Variants in PLBD1 observed in about 807,000 individuals in gnomAD.
The protein encoded by PLBD1 is lysosomal leucine aminopeptidase.
A neutral mutation model predicts 63.0 loss-of-function variants in PLBD1; 60 were observed. The ratio of observed to expected loss-of-function variants is 0.95; its 90% CI spans 0.77 to 1.18. The LOEUF is 1.18. Among genes scored for constraint, PLBD1 ranks in the 50% most tolerant of loss-of-function variants. The pLI is 0.00. For synonymous variants in PLBD1, 262 were observed against 248.0 expected (o/e 1.06, Z -0.53); for missense variants, 598 against 677.9 (o/e 0.88, Z 1.31).
Position 14,540,903 on chromosome 12 carries a change from C to T in PLBD1, c.420-1G>A, listed in dbSNP as rs1397885194. 1 of 1,591,094 alleles carries T rather than the reference C, an allele frequency of 6.3e-7. No individual in the cohort carries two copies. The highest frequency in any genetic ancestry group is 1.7e-5 in the Admixed American group (1 of 59,342). ...TTTCCGGGTCCACTTATCTTGCTTC[C>T]TGGAAGAGAAATTAGATTTGCACCA... On this transcript the variant is annotated splice_acceptor_variant, in intron 3 of 10. Transcript: ENST00000240617. LOFTEE classifies it high-confidence loss of function.
At chr12:14,564,114 G>A (rs1945763409) in intron 1 of PLBD1, among the ~76,000 whole-genome samples, 1 of 151,898 alleles carries the variant, frequency 6.6e-6, no homozygotes, top group South Asian at 2.1e-4. Context: ...GTGTGGTGGT[G>A]TGCACCTGTA....
At chr12:14,539,292 T>C (rs1369823210) in intron 4 of PLBD1, among the ~76,000 whole-genome samples, 2 of 152,014 alleles carry the variant, frequency 1.3e-5, no homozygotes, top group African/African-American at 2.4e-5. Context: ...GTTTACGAAA[T>C]GGAACATTAG....
In PLBD1 at chr12:14,511,356, T is replaced by G. The variant is rs778264458; in HGVS notation, c.1090A>C (p.Lys364Gln). The G allele has an allele frequency of 6.2e-7, 1 of 1,613,762 alleles. No individual in the cohort carries two copies. The change falls in exon 8 of 11, where the codon AAG becomes CAG. Residue 364 changes from lysine to glutamine, a missense_variant. Physicochemically the swap from Lys to Gln is moderately conservative, Grantham distance 53. Transcript: ENST00000240617. Reference protein sequence around the residue: ...QYMVLDLKKVKLNHSLDKGTL... With the variant: ...QYMVLDLKKVQLNHSLDKGTL... Reference sequence around the variant, plus strand: ...CCTTTGTCAAGACTGTGGTTCAGCTTTACTTTCTTCAGGTCCAGAACCATG... The same window carrying G: ...CCTTTGTCAAGACTGTGGTTCAGCTGTACTTTCTTCAGGTCCAGAACCATG...
chr12:14,523,085 C>T (rs1945389332), intron 6 of PLBD1, among the ~76,000 whole-genome samples: 1 of 152,040 alleles, frequency 6.6e-6, no homozygotes, highest in East Asian at 1.9e-4. Flanking sequence ...TTCCAAATGA[C>T]ATAATCTTAT....
chr12:14,512,776 G>A (rs112200392), intron 6 of PLBD1, among the ~76,000 whole-genome samples: 1 of 152,130 alleles, frequency 6.6e-6, no homozygotes, highest in African/African-American at 2.4e-5. Flanking sequence ...AAGTTCCTTC[G>A]GTGCATCCTG....
Position 14,540,053 on chromosome 12 carries a change from T to TACACAC in PLBD1, c.558+705_558+710dup, listed in dbSNP as rs1295213414. 2.1e-3 allele frequency among the ~76,000 whole-genome samples: 181 copies of TACACAC among 87,332 alleles called. 4 individuals carry two copies. The highest frequency in any genetic ancestry group is 5.8e-3 in the African/African-American group (124 of 21,422). 57.3% of individuals were successfully genotyped at this position (87,332 alleles called of 152,430 possible). A position where few individuals can be genotyped will look rare whatever the true frequency, so the allele number is the denominator to read the frequency against. ...ATATATATATATATATATATATATATACACACACACACTGGTCAAAATAGG... is the reference window on the plus strand; with the variant it reads ...ATATATATATATATATATATATATATACACACACACACACACACTGGTCAAAATAGG... On this transcript the variant is annotated intron_variant, in intron 4 of 10. Coordinates refer to ENST00000240617, the MANE Select transcript of PLBD1 (RefSeq NM_024829.6).
intron 2 of PLBD1, among the ~76,000 whole-genome samples, chr12:14,544,185 T>C (rs1440530309): frequency 6.6e-6 from 1 of 152,140 alleles, no homozygotes; most frequent in Non-Finnish European, 1.5e-5. Context: ...AGGACTTGTG[T>C]TTTTTTGAAA....
chr12:14,563,621 A>T lies in PLBD1; in HGVS notation c.115+3961T>A, dbSNP rs987519978. 5.3e-5 allele frequency among the ~76,000 whole-genome samples: 8 copies of T among 152,222 alleles called. 1 individual carries two copies. In the South Asian group the frequency reaches 1.0e-3, roughly 20 times the overall value. Reference sequence around the variant, plus strand: ...TAACTTTTTAGAGAAAAACAACTTCAGTGGCCACTCAATTATACAGCACTT... The same window carrying T: ...TAACTTTTTAGAGAAAAACAACTTCTGTGGCCACTCAATTATACAGCACTT... On this transcript the variant is annotated intron_variant, in intron 1 of 10. Transcript: ENST00000240617.
intron 2 of PLBD1, among the ~76,000 whole-genome samples, chr12:14,549,857 G>A (rs532622594): frequency 1.4e-4 from 21 of 152,092 alleles, no homozygotes; most frequent in Middle Eastern, 3.4e-3. Context: ...TAGTAGAGAC[G>A]GGTTTTCGCC....
chr12:14,555,480 T>A (rs898176152), intron 1 of PLBD1, among the ~76,000 whole-genome samples: 17 of 152,186 alleles, frequency 1.1e-4, no homozygotes, highest in African/African-American at 4.1e-4. Flanking sequence ...GAGGTTGCTG[T>A]GAACCTAGAT....
In PLBD1 at chr12:14,525,772, A is replaced by G. The variant is rs146314504; in HGVS notation, c.844+9887T>C. ...ACAGTAAGTTTTTAAGTAAAAAATC[A>G]TAACACCATATTGGTGTATTTATAA... On this transcript the variant is annotated intron_variant, in intron 6 of 10. Coordinates refer to ENST00000240617, the MANE Select transcript of PLBD1 (RefSeq NM_024829.6). Among the ~76,000 whole-genome samples, 18 of 152,288 alleles carry G rather than the reference A, an allele frequency of 1.2e-4. No individual in the cohort carries two copies. The East Asian group carries it at 3.3e-3, about 28-fold the overall frequency.
intron 1 of PLBD1, chr12:14,554,048 G>A (rs1038999332): frequency 2.0e-5 from 3 of 153,138 alleles, no homozygotes; most frequent in African/African-American, 7.2e-5. Context: ...CTTAACAGGT[G>A]GAACAAAACA....
chr12:14,546,890 C>G (rs1002025742), intron 2 of PLBD1, among the ~76,000 whole-genome samples: 2 of 150,794 alleles, frequency 1.3e-5, no homozygotes, highest in Non-Finnish European at 3.0e-5. Context: ...TTTCTTTTTT[C>G]TTTTTTTTCA....
At chr12:14,554,214 AT>A (rs1332287803) in intron 1 of PLBD1, 2 of 152,240 alleles carry the variant, frequency 1.3e-5, no homozygotes, top group Non-Finnish European at 2.9e-5. Flanking sequence ...CCCTGCACTC[AT>A]CACGCCCATC....
At position 14,506,286 on chromosome 12, in the gene PLBD1, G is replaced by C. The variant is rs750087224; in HGVS notation, c.1373-18C>G. The C allele has an allele frequency of 6.5e-7, 1 of 1,531,578 alleles. No homozygotes were observed. Among genetic ancestry groups the C allele is most frequent in the East Asian group, 2.3e-5 (1 of 44,408 alleles). The allele number at this position is 1,531,578 out of a possible 1,614,324, so 94.9% of individuals were successfully genotyped here. On this transcript the variant is annotated intron_variant, in intron 9 of 10. Coordinates refer to ENST00000240617, the MANE Select transcript of PLBD1 (RefSeq NM_024829.6). ...CTTATAATCTAGGAAACAGAAATGG[G>C]GAAGAGAGTGATTATTGGCTATTTG... is the stretch of plus-strand genomic sequence containing the variant.
intron 2 of PLBD1, among the ~76,000 whole-genome samples, chr12:14,552,625 G>C (rs541966231): frequency 6.6e-6 from 1 of 152,320 alleles, no homozygotes; most frequent in Admixed American, 6.5e-5. Context: ...TCATGGCTGG[G>C]TATGGTGGCT....
At chr12:14,511,124 T>A in intron 8 of PLBD1, 136 bp downstream of exon 8, 1 of 883,496 alleles carries the variant, frequency 1.1e-6, no homozygotes, top group Non-Finnish European at 1.7e-6. Context: ...GTCATTCTGG[T>A]GTAATATAGC....
At chr12:14,563,188 T>C (rs1945755002) in intron 1 of PLBD1, among the ~76,000 whole-genome samples, 1 of 152,178 alleles carries the variant, frequency 6.6e-6, no homozygotes, top group Non-Finnish European at 1.5e-5. Context: ...CTTGTGTACA[T>C]TATGCAAACA....
At chr12:14,505,525 T>C (rs1945247052) in intron 10 of PLBD1, among the ~76,000 whole-genome samples, 2 of 151,140 alleles carry the variant, frequency 1.3e-5, no homozygotes, top group Admixed American at 1.3e-4. Flanking sequence ...GTAAATACTT[T>C]CACTGACTGG....
Sources: allele counts gnomAD v4.1 joint callset (sites outside exome capture counted in the v4.1 genomes callset), GRCh38; gene constraint gnomAD v4.1.1; transcripts MANE v1.5; gene names NCBI Gene and HGNC (gene_info 2026-07-23, HGNC 2026-07-21).